The following PPME1 variants were observed in gnomAD, a reference collection of about 807,000 sequenced individuals.
PPME1 encodes testicular secretory protein Li 39.
A neutral mutation model predicts 56.9 loss-of-function variants in PPME1; 17 were observed. The ratio of observed to expected loss-of-function variants is 0.30; its 90% CI spans 0.20 to 0.45. PPME1 has a LOEUF of 0.45. Ranked by LOEUF, PPME1 falls within the 20% of genes least tolerant of loss-of-function variation. PPME1 has a pLI of 1.00. For synonymous variants in PPME1, 122 were observed against 156.2 expected (o/e 0.78, Z 1.63); for missense variants, 357 against 483.2 (o/e 0.74, Z 2.45).
chr11:74,181,772 C>G (rs1184173585), intron 1 of PPME1, among the ~76,000 whole-genome samples: 1 of 152,200 alleles, frequency 6.6e-6, no homozygotes, highest in Non-Finnish European at 1.5e-5. Context: ...AATCAGCAAA[C>G]ATTTTCTGTT....
At chr11:74,251,506 G>A in intron 12 of PPME1, 142 bp from the exon 13 acceptor site, 1 of 1,461,606 alleles carries the variant, frequency 6.8e-7, no homozygotes, top group Non-Finnish European at 9.0e-7. Context: ...GGAGGGCCTA[G>A]GTCCTTTTAA....
At chr11:74,251,105 G>C (rs1248463151) in intron 12 of PPME1, 87 bp downstream of exon 12, 1 of 1,534,400 alleles carries the variant, frequency 6.5e-7, no homozygotes, top group Non-Finnish European at 8.8e-7. Context: ...GTCTCAGCCT[G>C]CATTGCCTGC....
At chr11:74,182,733 C>T (rs1270551797) in intron 1 of PPME1, among the ~76,000 whole-genome samples, 2 of 152,168 alleles carry the variant, frequency 1.3e-5, no homozygotes, top group Admixed American at 1.3e-4. Context: ...ATTTACAAAA[C>T]GTATACATGT....
At chr11:74,191,616 G>A (rs966714267) in intron 1 of PPME1, among the ~76,000 whole-genome samples, 8 of 152,206 alleles carry the variant, frequency 5.3e-5, no homozygotes, top group African/African-American at 1.9e-4. Flanking sequence ...CAAGCCCAGG[G>A]CACTGCTGCC....
At position 74,221,651 on chromosome 11, in the gene PPME1, C is replaced by T. The variant is rs138905052; in HGVS notation, c.289-661C>T. On this transcript the variant is annotated intron_variant, in intron 3 of 13. Transcript: ENST00000328257. ...ATTCTTAAAAGTTAAAATTTGGTGA[C>T]ATTTGCTAGCCCTAATTGTGATATA... 3.4e-3 allele frequency among the ~76,000 whole-genome samples: 512 copies of T among 152,236 alleles called. 2 individuals are homozygous for T. Among genetic ancestry groups the T allele is most frequent in the Middle Eastern group, 0.017 (5 of 294 alleles).
chr11:74,201,911 G>T (rs556248249), intron 1 of PPME1, among the ~76,000 whole-genome samples: 1 of 148,724 alleles, frequency 6.7e-6, no homozygotes, highest in Non-Finnish European at 1.5e-5. Flanking sequence ...AGAATTCTAA[G>T]TTCTGCTTTT....
chr11:74,228,882 A>G (rs1006179185), intron 5 of PPME1, among the ~76,000 whole-genome samples: 5 of 152,202 alleles, frequency 3.3e-5, no homozygotes, highest in African/African-American at 1.2e-4. Context: ...TTGTGTTACT[A>G]TAGAAGCAGC....
chr11:74,212,902 A>T (rs975549741), intron 3 of PPME1, among the ~76,000 whole-genome samples: 1 of 152,168 alleles, frequency 6.6e-6, no homozygotes, highest in Non-Finnish European at 1.5e-5. Context: ...GCTGGCTTCA[A>T]GTGTGACCCA....
At chr11:74,245,275 T>C (rs564684894) in intron 9 of PPME1, among the ~76,000 whole-genome samples, 1 of 152,236 alleles carries the variant, frequency 6.6e-6, no homozygotes, top group Admixed American at 6.5e-5. Flanking sequence ...CTTTGGGTAG[T>C]ATGGACATCT....
intron 1 of PPME1, among the ~76,000 whole-genome samples, chr11:74,191,138 C>T (rs536228754): frequency 6.6e-6 from 1 of 152,144 alleles, no homozygotes; most frequent in African/African-American, 2.4e-5. Flanking sequence ...GAGTTTGAGA[C>T]CAGCTTGGAC....
At chr11:74,244,617 A>G (rs1208874497) in intron 9 of PPME1, among the ~76,000 whole-genome samples, 1 of 152,152 alleles carries the variant, frequency 6.6e-6, no homozygotes, top group African/African-American at 2.4e-5. Context: ...AGGTTACTCG[A>G]TGTTTTTAGT....
intron 5 of PPME1, among the ~76,000 whole-genome samples, chr11:74,227,062 C>T (rs1184479721): frequency 2.6e-5 from 4 of 152,044 alleles, no homozygotes; most frequent in East Asian, 3.9e-4. Flanking sequence ...GAAAGCTATT[C>T]GTGGGGAGGA....
chr11:74,203,103 A>G (rs562875052), intron 1 of PPME1, among the ~76,000 whole-genome samples: 1 of 152,208 alleles, frequency 6.6e-6, no homozygotes, highest in South Asian at 2.1e-4. Context: ...ATTTTTTCCA[A>G]CTTTTCTCTA....
At chr11:74,219,334 TA>T (rs35167391) in intron 3 of PPME1, among the ~76,000 whole-genome samples, 25,969 of 132,038 alleles carry the variant, frequency 0.2, 2,391 homozygotes, top group East Asian at 0.31. Flanking sequence ...GTTGATTCCT[TA>T]AAAAAAAAAA....
chr11:74,178,590 ATCT>A (rs1474395684), intron 1 of PPME1, among the ~76,000 whole-genome samples: 14 of 152,208 alleles, frequency 9.2e-5, no homozygotes, highest in Non-Finnish European at 1.6e-4. Context: ...GAGAAGCCTA[ATCT>A]TCTGATTTCA....
chr11:74,171,580 A>G (rs1857229569), intron 1 of PPME1, 58 bp downstream of exon 1: 3 of 1,532,306 alleles, frequency 2.0e-6, no homozygotes, highest in Middle Eastern at 1.7e-4. Flanking sequence ...GGAGAATGGT[A>G]TCTCTGGGCG....
chr11:74,199,322 A>C (rs1025571021), intron 1 of PPME1, among the ~76,000 whole-genome samples: 4 of 152,160 alleles, frequency 2.6e-5, no homozygotes, highest in Admixed American at 2.0e-4. Context: ...TTTGTTAGAT[A>C]TTTATGTACT....
At chr11:74,201,128 AC>A (rs1449091215) in intron 1 of PPME1, among the ~76,000 whole-genome samples, 2 of 151,996 alleles carry the variant, frequency 1.3e-5, no homozygotes, top group Non-Finnish European at 1.5e-5. Context: ...GGCGCCCGCC[AC>A]CACACCCGGC....
chr11:74,231,779 G>GGCT (rs1859074765), intron 7 of PPME1, among the ~76,000 whole-genome samples: 1 of 152,134 alleles, frequency 6.6e-6, no homozygotes, highest in Non-Finnish European at 1.5e-5. Context: ...AATGGAAGAT[G>GGCT]GCTATAGGTT....
Sources: gnomAD v4.1 joint callset for allele counts (sites outside exome capture counted in the v4.1 genomes callset) on GRCh38, gnomAD v4.1.1 for gene constraint, MANE v1.5 for transcripts, NCBI Gene and HGNC (gene_info 2026-07-23, HGNC 2026-07-21) for gene names.